Variants in KIF12 observed in about 807,000 individuals in gnomAD.
The protein encoded by KIF12 is kinesin family member 12.
KIF12 carries 80 observed loss-of-function variants against 87.9 expected under a neutral mutation model. That is an observed-to-expected ratio of 0.91 (90% CI 0.76 to 1.10). The LOEUF is 1.10. Ranked by LOEUF, KIF12 falls within the 50% of genes least tolerant of loss-of-function variation. KIF12 has a pLI of 0.00. For synonymous variants in KIF12, 353 were observed against 348.5 expected, an observed-to-expected ratio of 1.01 and a Z score of -0.14; for missense variants, 819 against 865.3, an observed-to-expected ratio of 0.95 and a Z score of 0.67.
At chr9:114,097,237 C>T (rs1423652508) in intron 7 of KIF12, 64 bp downstream of exon 7, 1 of 1,562,686 alleles carries the variant, frequency 6.4e-7, no homozygotes, top group Non-Finnish European at 8.6e-7. Flanking sequence ...CCCAAGTCCA[C>T]ACTCAGTGAA....
chr9:114,093,983 T>C lies in KIF12; in HGVS notation c.1314-11A>G, dbSNP rs773681080. ...TGGCTCTTTTCTTTCCTAGGGGAGA[T>C]CACAAGCCAGGAAGGGGTAGGAAAT... On this transcript the variant is annotated splice_polypyrimidine_tract_variant and intron_variant, in intron 13 of 18. Coordinates refer to ENST00000640217, the MANE Select transcript of KIF12 (RefSeq NM_001388308.1). 6.2e-7 allele frequency: 1 copy of C among 1,612,472 alleles called. No individual in the cohort carries two copies. Among genetic ancestry groups the C allele is most frequent in the Admixed American group, 1.7e-5 (1 of 59,994 alleles).
intron 5 of KIF12, 77 bp from the exon 6 acceptor site, chr9:114,097,818 C>A: frequency 6.8e-7 from 1 of 1,470,558 alleles, no homozygotes. Context: ...TGATACCGTG[C>A]GCCGGGAAAC....
chr9:114,097,649 A>G lies in KIF12; in HGVS notation c.468T>C (p.Pro156=). 1.9e-6 allele frequency: 3 copies of G among 1,614,072 alleles called. No homozygotes were observed. The highest frequency in any genetic ancestry group is 2.5e-6 in the Non-Finnish European group (3 of 1,179,964). The change falls in exon 6 of 19, where the codon CCT becomes CCC. Residue 156 remains proline (P), a synonymous_variant. Transcript: ENST00000640217. Reference sequence around the variant, plus strand: ...CCAGATAAGAGGCGCGAAGGGTGACAGGGGCACCCAGGTGCTGCACGCGGT... The same window carrying G: ...CCAGATAAGAGGCGCGAAGGGTGACGGGGGCACCCAGGTGCTGCACGCGGT... The part of the protein sequence containing the change: ...LLDRVQHLGA[P]VTLRASYLEI...
At chr9:114,092,999 A>T in intron 16 of KIF12, 1 of 1,317,384 alleles carries the variant, frequency 7.6e-7, no homozygotes, top group Non-Finnish European at 1.0e-6. Context: ...GAGTGAATGA[A>T]TAAGTGAATG....
Position 114,098,137 on chromosome 9 carries a change from G to A in KIF12, c.353C>T (p.Thr118Ile), listed in dbSNP as rs1370516892. 6.5e-7 allele frequency: 1 copy of A among 1,548,332 alleles called. No homozygotes were observed. The highest frequency in any genetic ancestry group is 2.5e-5 in the East Asian group (1 of 40,816). The change falls in exon 5 of 19, where the codon ACC becomes ATC. Residue 118 changes from threonine (T) to isoleucine (I), a missense_variant. Coordinates refer to ENST00000640217, the MANE Select transcript of KIF12 (RefSeq NM_001388308.1). ...CACCTGGGGAGGGGGTCCAGTCAGG[G>A]TGTAGGTCTTCCCAGAGCCCGTCTG... ...FGQTGSGKTY[T>I]LTGPPPQGEG...
chr9:114,092,729 C>T, intron 16 of KIF12, 87 bp from the exon 17 acceptor site: 1 of 1,514,896 alleles, frequency 6.6e-7, no homozygotes, highest in East Asian at 2.4e-5. Flanking sequence ...TGACACCCCA[C>T]CATGCCTACC....
At position 114,096,479 on chromosome 9, in the gene KIF12, C is replaced by G; in HGVS notation, c.647-1G>C. ...GCTGAGTTCCTTCGACGGCTGAGAC[C>G]TGGAAGGGAAAAACATCAGGAGCTG... On this transcript the variant is annotated splice_acceptor_variant, in intron 7 of 18. Coordinates refer to ENST00000640217, the MANE Select transcript of KIF12 (RefSeq NM_001388308.1). LOFTEE classifies it high-confidence loss of function. The G allele has an allele frequency of 6.2e-7, 1 of 1,606,666 alleles. No individual in the cohort carries two copies. The highest frequency in any genetic ancestry group is 8.5e-7 in the Non-Finnish European group (1 of 1,176,450).
chr9:114,096,517 A>G (rs1378830327), intron 7 of KIF12, 39 bp from the exon 8 acceptor site: 2 of 1,475,522 alleles, frequency 1.4e-6, no homozygotes, highest in South Asian at 2.4e-5. Context: ...CCTGGTAGGA[A>G]GAACAGGTCA....
rs1588509507 is a variant in KIF12, at chr9:114,098,440, T to A, written c.172-11A>T. On this transcript the variant is annotated splice_polypyrimidine_tract_variant and intron_variant, in intron 3 of 18. Coordinates refer to ENST00000640217, the MANE Select transcript of KIF12 (RefSeq NM_001388308.1). ...GCCTGGAGGACTCACCTGGCGCGGGTGGGGCGGAGGAGCGGGGCACTCTGG... is the reference window on the plus strand; with the variant it reads ...GCCTGGAGGACTCACCTGGCGCGGGAGGGGCGGAGGAGCGGGGCACTCTGG... 2 of 1,273,454 alleles carry A rather than the reference T, an allele frequency of 1.6e-6. No individual in the cohort carries two copies. The highest frequency in any genetic ancestry group is 2.0e-6 in the Non-Finnish European group (2 of 985,904). The allele number at this position is 1,273,454 out of a possible 1,614,324, so 78.9% of individuals were successfully genotyped here.
intron 3 of KIF12, 33 bp from the exon 4 acceptor site, chr9:114,098,462 C>CTGGAGGAGGGCGGGGCACCG: frequency 1.4e-6 from 2 of 1,461,218 alleles, no homozygotes; most frequent in Non-Finnish European, 1.8e-6. Context: ...GCGGGGCACT[C>CTGGAGGAGGGCGGGGCACCG]TGGAGGAGGG....
chr9:114,091,824 A>T lies in KIF12; in HGVS notation c.*37T>A, dbSNP rs763167158. The T allele has an allele frequency of 1.9e-6, 3 of 1,553,942 alleles. No homozygotes were observed. The highest frequency in any genetic ancestry group is 2.6e-6 in the Non-Finnish European group (3 of 1,144,190). On this transcript the variant is annotated 3_prime_UTR_variant, in exon 19 of 19. Coordinates refer to ENST00000640217, the MANE Select transcript of KIF12 (RefSeq NM_001388308.1). ...GCCCAAGAGTGTGGAGCCCAGTCTG[A>T]GGTCACACAGCAGTCTCCTGGGTTC...
intron 16 of KIF12, chr9:114,092,950 A>C: frequency 7.0e-7 from 1 of 1,424,558 alleles, no homozygotes; most frequent in Non-Finnish European, 9.2e-7. Context: ...GGAGTAAGTG[A>C]ATGTATGATT....
rs1847003862 is a variant in KIF12, at chr9:114,091,685, T to A, written c.*176A>T. The A allele has an allele frequency of 3.5e-6, 2 of 571,624 alleles. No individual in the cohort carries two copies. The highest frequency in any genetic ancestry group is 6.0e-6 in the Non-Finnish European group (2 of 335,424). The allele number at this position is 571,624 out of a possible 1,614,324, so 35.4% of individuals were successfully genotyped here. A position where few individuals can be genotyped will look rare whatever the true frequency, so the allele number is the denominator to read the frequency against. On this transcript the variant is annotated 3_prime_UTR_variant, in exon 19 of 19. Coordinates refer to ENST00000640217, the MANE Select transcript of KIF12 (RefSeq NM_001388308.1). ...TTCATGTATTTCATCCCCTGCTGCC[T>A]GGTTTCTCCTGAATCCCCTTGTTCC...
chr9:114,094,108 G>A, intron 13 of KIF12, 73 bp downstream of exon 13: 1 of 1,499,666 alleles, frequency 6.7e-7, no homozygotes. Context: ...AGGGAGAGGA[G>A]GCAGTTTGCC....
In KIF12 at chr9:114,099,265, G is replaced by T. The variant is rs1338588618; in HGVS notation, c.12C>A (p.Arg4=). The change falls in exon 1 of 19, where the codon CGC becomes CGA. Residue 4 remains arginine, a synonymous_variant. Transcript: ENST00000640217. Reference sequence around the variant, plus strand: ...GATCTGCTTACCCGTCGGGTGACCCGCGTTCTTCCATGTCCTGCTCTGCAC... The same window carrying T: ...GATCTGCTTACCCGTCGGGTGACCCTCGTTCTTCCATGTCCTGCTCTGCAC... MEE[R]GSPDGDLARS... is the part of the protein sequence containing the mutation. 1.3e-6 allele frequency: 2 copies of T among 1,551,032 alleles called. No individual in the cohort carries two copies. Among genetic ancestry groups the T allele is most frequent in the Non-Finnish European group, 1.7e-6 (2 of 1,147,076 alleles).
intron 12 of KIF12, 28 bp downstream of exon 12, chr9:114,094,325 T>C (rs2134886048): frequency 6.2e-7 from 1 of 1,610,276 alleles, no homozygotes; most frequent in African/African-American, 1.3e-5. Flanking sequence ...CCTATCCCCA[T>C]CCTACTCTGC....
chr9:114,098,101 CG>C lies in KIF12; in HGVS notation c.375+13del. On this transcript the variant is annotated intron_variant, in intron 5 of 18. Transcript: ENST00000640217. The stretch of plus-strand genomic sequence containing the variant: ...CAGCCCCGCCCCGCGGGGGCGCCGC[CG>C]GCGCTCGCTCACCTGGGGAGGGGGT... The C allele has an allele frequency of 6.5e-7, 1 of 1,543,624 alleles. No individual in the cohort carries two copies. Among genetic ancestry groups the C allele is most frequent in the Non-Finnish European group, 8.7e-7 (1 of 1,145,152 alleles).
chr9:114,094,204 G>C lies in KIF12; in HGVS notation c.1290C>G (p.Phe430Leu). ...ACCTGAGCCTCTCATTCTCTAGCAT[G>C]AACTCCTGTAGCATCCCGTACAGGT... ...QRNLYGMLQE[F>L]MLENERLRKE... The change falls in exon 13 of 19, where the codon TTC (phenylalanine) becomes TTG (leucine). Residue 430 changes from phenylalanine (F) to leucine (L), a missense_variant. By Grantham distance (22) the Phe-to-Leu change is conservative (BLOSUM62 0). Transcript: ENST00000640217. 1 of 1,613,800 alleles carries C rather than the reference G, an allele frequency of 6.2e-7. No homozygotes were observed. The highest frequency in any genetic ancestry group is 8.5e-7 in the Non-Finnish European group (1 of 1,179,934).
rs760190761 is a variant in KIF12 at position 114,097,306 on chromosome 9, T to C, written c.641A>G (p.Gln214Arg). ...GSLEALMELL[Q>R]TGLSRRRNSA... ...TCCCCGCTGTCAGCACACACCCGTT[T>C]GCAAAAGTTCCATCAGGGCCTCCAG... Residue 214 changes from glutamine to arginine, a missense_variant, in exon 7 of 19, where the codon CAA becomes CGA. Coordinates refer to ENST00000640217, the MANE Select transcript of KIF12 (RefSeq NM_001388308.1). 6.2e-7 allele frequency: 1 copy of C among 1,609,638 alleles called. No homozygotes were observed. Among genetic ancestry groups the C allele is most frequent in the Non-Finnish European group, 8.5e-7 (1 of 1,178,884 alleles).
Sources: allele counts gnomAD v4.1 joint callset, GRCh38; gene constraint gnomAD v4.1.1; transcripts MANE v1.5; gene names NCBI Gene and HGNC (gene_info 2026-07-23, HGNC 2026-07-21).